Variants in DPF3 observed in about 807,000 individuals in gnomAD.
DPF3 encodes zinc finger protein DPF3.
A neutral mutation model predicts 56.8 loss-of-function variants in DPF3; 18 were observed. The ratio of observed to expected loss-of-function variants is 0.32; its 90% CI spans 0.22 to 0.47. The LOEUF (loss-of-function observed/expected upper bound fraction) is 0.47. DPF3 is among the 20% of genes least tolerant of loss of function. The pLI is 1.00. For synonymous variants in DPF3, 188 were observed against 180.2 expected (o/e 1.04, Z -0.35); for missense variants, 403 against 488.8 (o/e 0.82, Z 1.65).
chr14:72,693,349 A>C lies in DPF3; in HGVS notation c.605-136T>G, dbSNP rs1012186100. The C allele has an allele frequency of 1.3e-5, 13 of 1,024,240 alleles. No individual in the cohort carries two copies. In the African/African-American group the frequency reaches 1.3e-4, roughly 10 times the overall value. 63.4% of individuals were successfully genotyped at this position (1,024,240 alleles called of 1,614,324 possible). On this transcript the variant is annotated intron_variant, in intron 6 of 10. Transcript: ENST00000556509. ...TTCCCTTAAAACTGTCTCCCATCCC[A>C]ACATCCCTTTCCCCCACCCAACAGA...
intron 1 of DPF3, among the ~76,000 whole-genome samples, chr14:72,875,542 G>T (rs893941140): frequency 1.3e-5 from 2 of 152,162 alleles, no homozygotes; most frequent in Non-Finnish European, 2.9e-5. Flanking sequence ...TAGATGTTAG[G>T]AATCCTACCC....
chr14:72,784,594 C>T (rs768565068), intron 1 of DPF3, among the ~76,000 whole-genome samples: 1 of 152,142 alleles, frequency 6.6e-6, no homozygotes, highest in Non-Finnish European at 1.5e-5. Flanking sequence ...TTTCCCAATT[C>T]GTCCACCTCA....
At chr14:72,707,130 T>C (rs1380212784) in intron 6 of DPF3, among the ~76,000 whole-genome samples, 1 of 152,100 alleles carries the variant, frequency 6.6e-6, no homozygotes, top group Admixed American at 6.6e-5. Flanking sequence ...TCCAATTTCA[T>C]CCATGTCCCT....
At chr14:72,861,761 A>AAGAAAG (rs1452363055) in intron 1 of DPF3, among the ~76,000 whole-genome samples, 2 of 148,280 alleles carry the variant, frequency 1.3e-5, no homozygotes, top group African/African-American at 5.2e-5. Flanking sequence ...GAAAGAAAGA[A>AAGAAAG]AGAAAGAAAG....
At chr14:72,777,040 A>G (rs1248710616) in intron 1 of DPF3, among the ~76,000 whole-genome samples, 1 of 152,128 alleles carries the variant, frequency 6.6e-6, no homozygotes, top group African/African-American at 2.4e-5. Flanking sequence ...TGTAAACAGG[A>G]CCTTGGCCCA....
chr14:72,710,602 T>A (rs1203565731), intron 6 of DPF3, among the ~76,000 whole-genome samples: 1 of 152,214 alleles, frequency 6.6e-6, no homozygotes, highest in African/African-American at 2.4e-5. Context: ...TTCCCTCCAG[T>A]GATTCTGATA....
intron 4 of DPF3, among the ~76,000 whole-genome samples, chr14:72,730,899 T>C (rs2139854575): frequency 6.6e-6 from 1 of 152,274 alleles, no homozygotes; most frequent in South Asian, 2.1e-4. Flanking sequence ...TCAGGTGCAG[T>C]GACTCACGCC....
At chr14:72,823,397 G>A (rs1340160001) in intron 1 of DPF3, among the ~76,000 whole-genome samples, 1 of 152,244 alleles carries the variant, frequency 6.6e-6, no homozygotes, top group African/African-American at 2.4e-5. Flanking sequence ...ACTGCAGCAT[G>A]CAAGGACATG....
intron 1 of DPF3, among the ~76,000 whole-genome samples, chr14:72,837,125 C>A (rs1206962122): frequency 6.6e-6 from 1 of 152,036 alleles, no homozygotes; most frequent in African/African-American, 2.4e-5. Flanking sequence ...CCCGTCTCGG[C>A]CACCCAAAGT....
At chr14:72,621,173 G>A (rs1420716683) in intron 9 of DPF3, among the ~76,000 whole-genome samples, 5 of 150,892 alleles carry the variant, frequency 3.3e-5, no homozygotes, top group Admixed American at 3.3e-4. Context: ...CTACATGTTT[G>A]TTTTCTTGAA....
intron 3 of DPF3, among the ~76,000 whole-genome samples, chr14:72,747,554 G>A (rs568836917): frequency 3.3e-5 from 5 of 151,416 alleles, no homozygotes; most frequent in African/African-American, 4.8e-5. Flanking sequence ...TGGGAGGCCC[G>A]AGGCAGGAGG....
At chr14:72,750,839 T>A (rs1890544126) in intron 3 of DPF3, among the ~76,000 whole-genome samples, 1 of 149,680 alleles carries the variant, frequency 6.7e-6, no homozygotes, top group African/African-American at 2.5e-5. Context: ...TGATTACCTT[T>A]GGAGAGACTG....
intron 1 of DPF3, among the ~76,000 whole-genome samples, chr14:72,866,123 T>C (rs1599507894): frequency 3.3e-5 from 5 of 152,328 alleles, no homozygotes; most frequent in Admixed American, 3.3e-4. Context: ...TTGTATGAGA[T>C]GGGCTTGCCG....
chr14:72,732,701 T>C (rs1236939871), intron 3 of DPF3, among the ~76,000 whole-genome samples: 1 of 152,024 alleles, frequency 6.6e-6, no homozygotes, highest in East Asian at 1.9e-4. Context: ...AGCAGAGAAG[T>C]GGCAACCCGA....
At chr14:72,868,502 A>C (rs1034234831) in intron 1 of DPF3, among the ~76,000 whole-genome samples, 1 of 152,272 alleles carries the variant, frequency 6.6e-6, no homozygotes, top group Admixed American at 6.5e-5. Flanking sequence ...CCTCACCCCT[A>C]GGGATTTTGA....
At chr14:72,730,621 A>G (rs1727787681) in intron 4 of DPF3, among the ~76,000 whole-genome samples, 4 of 151,926 alleles carry the variant, frequency 2.6e-5, no homozygotes, top group Admixed American at 2.6e-4. Context: ...ATTATTATTA[A>G]TTTAATTGTA....
At chr14:72,774,039 C>T (rs1891656033) in intron 1 of DPF3, 3 of 449,056 alleles carry the variant, frequency 6.7e-6, no homozygotes, top group Non-Finnish European at 1.3e-5. Context: ...AATCCCAGCA[C>T]TTTGGGAGGC....
chr14:72,673,653 C>T (rs1242547381), intron 8 of DPF3, among the ~76,000 whole-genome samples: 1 of 152,158 alleles, frequency 6.6e-6, no homozygotes, highest in Admixed American at 6.5e-5. Flanking sequence ...TGCAGATTAG[C>T]CCTAGGAATG....
rs1312817166 is a variant in DPF3 at position 72,615,495 on chromosome 14, T to C, written c.*3802A>G. ...CGAATACAAAAATGCACCAGGAGTG[T>C]GCAACCCTCCAGGGTATCATGAAAC... On this transcript the variant is annotated 3_prime_UTR_variant, in exon 11 of 11. Transcript: ENST00000556509. Among the ~76,000 whole-genome samples, 1 of 152,224 alleles carries C rather than the reference T, an allele frequency of 6.6e-6. No individual in the cohort carries two copies. The highest frequency in any genetic ancestry group is 2.4e-5 in the African/African-American group (1 of 41,468).
Sources: allele counts gnomAD v4.1 joint callset (sites outside exome capture counted in the v4.1 genomes callset), GRCh38; gene constraint gnomAD v4.1.1; transcripts MANE v1.5; gene names NCBI Gene and HGNC (gene_info 2026-07-23, HGNC 2026-07-21).